Variants in CERS4 observed in about 807,000 individuals in gnomAD.
The protein encoded by CERS4 is LAG1 homolog, ceramide synthase 4.
Under a neutral mutation model 51.8 loss-of-function variants are expected in CERS4, and 65 were observed. That is an observed-to-expected ratio of 1.26 (90% CI 1.03 to 1.54). The LOEUF (loss-of-function observed/expected upper bound fraction) is 1.54, where lower values mean the gene tolerates loss of function less well. Among genes scored for constraint, CERS4 ranks in the 40% most tolerant of loss-of-function variants. The pLI is 0.00. For missense variants in CERS4, 563 were observed against 500.4 expected (o/e 1.13, Z -1.19); for synonymous variants, 228 against 208.4 (o/e 1.09, Z -0.81).
intron 3 of CERS4, among the ~76,000 whole-genome samples, chr19:8,252,099 A>G (rs558939523): frequency 1.3e-5 from 2 of 151,362 alleles, no homozygotes; most frequent in Non-Finnish European, 2.9e-5. Flanking sequence ...GGCTGGGTGC[A>G]GTGGCTCATG....
At chr19:8,242,071 C>G (rs950108793) in intron 2 of CERS4, among the ~76,000 whole-genome samples, 2 of 152,238 alleles carry the variant, frequency 1.3e-5, no homozygotes, top group Non-Finnish European at 2.9e-5. Context: ...CCTCAATGCC[C>G]CAGGTGCAAG....
In CERS4 at chr19:8,234,163, G is replaced by A. The variant is rs961061598; in HGVS notation, c.-1-16913G>A. Among the ~76,000 whole-genome samples the A allele has an allele frequency of 8.5e-5, 13 of 152,186 alleles. 2 individuals carry two copies. The highest frequency in any genetic ancestry group is 2.6e-4 in the African/African-American group (11 of 41,524). On this transcript the variant is annotated intron_variant, in intron 2 of 11. Transcript: ENST00000251363. ...CTACTAAAAATACAAAAAATTAGCC[G>A]GGCATGGTGGCAGGTGCCTGTAGTC...
In CERS4 at chr19:8,257,995, C is replaced by T; in HGVS notation, c.848+10C>T. ...TCCTCTTTCCCACCCAGTGAGTCAGCCCTCCCATGGGGGTCAGGGAGGTGG... is the reference window on the plus strand; with the variant it reads ...TCCTCTTTCCCACCCAGTGAGTCAGTCCTCCCATGGGGGTCAGGGAGGTGG... On this transcript the variant is annotated intron_variant, in intron 10 of 11. Coordinates refer to ENST00000251363, the MANE Select transcript of CERS4 (RefSeq NM_024552.3). 1.2e-6 allele frequency: 2 copies of T among 1,603,280 alleles called. No homozygotes were observed.
Position 8,255,484 on chromosome 19 carries a change from T to C in CERS4, c.292-123T>C. On this transcript the variant is annotated intron_variant, in intron 4 of 11. Transcript: ENST00000251363. ...CCAACACTGCCCCTCCATATAGACATGGTCACCCTGTAGGCAAGATGTGGG... is the reference window on the plus strand; with the variant it reads ...CCAACACTGCCCCTCCATATAGACACGGTCACCCTGTAGGCAAGATGTGGG... 6.0e-6 allele frequency: 5 copies of C among 839,214 alleles called. No individual in the cohort carries two copies. In the South Asian group the frequency reaches 8.3e-5, roughly 14 times the overall value. The allele number at this position is 839,214 out of a possible 1,614,324, so 52.0% of individuals were successfully genotyped here.
rs149877914 is a variant in CERS4 at position 8,251,208 on chromosome 19, C to T, written c.132C>T (p.Pro44=). 2.1e-4 allele frequency: 334 copies of T among 1,612,074 alleles called. No homozygotes were observed. Among genetic ancestry groups the T allele is most frequent in the Non-Finnish European group, 2.6e-4 (311 of 1,179,266 alleles). ...CCCAGGACTTGTTGGCAGCCCTGCC[C>T]CTGGCGCTGGTCCTCCTGGCCATGC... ...PHPQDLLAAL[P]LALVLLAMRL... Residue 44 remains proline (P), a synonymous_variant, in exon 3 of 12, where the codon CCC becomes CCT. Transcript: ENST00000251363.
chr19:8,223,046 G>A (rs1967628826), intron 2 of CERS4, among the ~76,000 whole-genome samples: 1 of 152,084 alleles, frequency 6.6e-6, no homozygotes, highest in African/African-American at 2.4e-5. Context: ...GAAGATAGTT[G>A]TCCCTGGCTG....
rs1209193787 is a variant in CERS4 at position 8,251,175 on chromosome 19, C to T, written c.99C>T (p.Tyr33=). The change falls in exon 3 of 12, where the codon TAC becomes TAT. Residue 33 remains tyrosine, a synonymous_variant. Transcript: ENST00000251363. ...TAGAAGACCGGGATGGCCGTGTCTA[C>T]CCCCACCCCCAGGACTTGTTGGCAG... The part of the protein sequence containing the change: ...TELEDRDGRV[Y]PHPQDLLAAL... The T allele has an allele frequency of 6.2e-7, 1 of 1,613,440 alleles. No individual in the cohort carries two copies. Among genetic ancestry groups the T allele is most frequent in the Non-Finnish European group, 8.5e-7 (1 of 1,179,824 alleles).
intron 2 of CERS4, among the ~76,000 whole-genome samples, chr19:8,215,439 A>C (rs1967257747): frequency 6.6e-6 from 1 of 151,310 alleles, no homozygotes; most frequent in African/African-American, 2.4e-5. Context: ...AGATCACACC[A>C]CTGCACTCCA....
intron 2 of CERS4, among the ~76,000 whole-genome samples, chr19:8,249,783 G>A (rs189430800): frequency 6.6e-6 from 1 of 151,628 alleles, no homozygotes; most frequent in Admixed American, 6.6e-5. Flanking sequence ...TAGAGACAGG[G>A]TTTCACCATG....
chr19:8,246,483 G>A (rs897948794), intron 2 of CERS4, among the ~76,000 whole-genome samples: 1 of 151,886 alleles, frequency 6.6e-6, no homozygotes, highest in African/African-American at 2.4e-5. Context: ...ACCCGAGCCC[G>A]GGAGGTCAAG....
At chr19:8,214,071 C>T (rs1026899312) in intron 2 of CERS4, among the ~76,000 whole-genome samples, 14 of 152,228 alleles carry the variant, frequency 9.2e-5, no homozygotes, top group Non-Finnish European at 4.4e-5. Flanking sequence ...GTCACACACA[C>T]ACACACTGAA....
intron 3 of CERS4, among the ~76,000 whole-genome samples, chr19:8,253,464 TTTTTTTTG>T (rs920978263): frequency 1.3e-5 from 2 of 148,742 alleles, no homozygotes; most frequent in Non-Finnish European, 3.0e-5. Flanking sequence ...TTTTTTTTTT[TTTTTTTTG>T]GGGAGACAGA....
chr19:8,249,872 G>C (rs1014485779), intron 2 of CERS4, among the ~76,000 whole-genome samples: 1 of 151,904 alleles, frequency 6.6e-6, no homozygotes, highest in Non-Finnish European at 1.5e-5. Context: ...TACAGGCAGT[G>C]AGCCACTGAG....
At chr19:8,261,426 A>C (rs940008869) in intron 10 of CERS4, 5 of 487,306 alleles carry the variant, frequency 1.0e-5, no homozygotes, top group African/African-American at 9.6e-5. Flanking sequence ...AAAGCAGCTG[A>C]GTTCATAAGT....
intron 2 of CERS4, chr19:8,239,292 A>G (rs6603157): frequency 0.8 from 121,430 of 151,038 alleles, 48,958 homozygotes; most frequent in Non-Finnish European, 0.84. Context: ...CTAGTTATTC[A>G]GGTGGGTGAG....
intron 2 of CERS4, among the ~76,000 whole-genome samples, chr19:8,224,423 A>T (rs574662598): frequency 0.013 from 2,009 of 151,104 alleles, 34 homozygotes; most frequent in African/African-American, 0.046. Flanking sequence ...AAAAAAAAAA[A>T]AATTGTTGCC....
chr19:8,253,001 C>T (rs1969166591), intron 3 of CERS4, among the ~76,000 whole-genome samples: 1 of 152,224 alleles, frequency 6.6e-6, no homozygotes, highest in Admixed American at 6.5e-5. Flanking sequence ...CAATGTATCA[C>T]ATGGACTTGG....
chr19:8,261,983 G>C lies in CERS4; in HGVS notation c.1059G>C (p.Ala353=), dbSNP rs138254504. The part of the protein sequence containing the change: ...DVEESDSSEE[A]AAAQEPLQLK... ...AAGAATCAGACTCCAGTGAGGAGGC[G>C]GCGGCGGCCCAGGAACCTCTGCAGC... The change falls in exon 12 of 12, where the codon GCG becomes GCC. Residue 353 remains alanine (A), a synonymous_variant. Transcript: ENST00000251363. 1 of 1,598,452 alleles carries C rather than the reference G, an allele frequency of 6.3e-7. No homozygotes were observed. The highest frequency in any genetic ancestry group is 1.3e-5 in the African/African-American group (1 of 74,300).
intron 10 of CERS4, among the ~76,000 whole-genome samples, chr19:8,260,083 T>C (rs1006103531): frequency 1.3e-5 from 2 of 151,992 alleles, no homozygotes; most frequent in Non-Finnish European, 2.9e-5. Flanking sequence ...GGAGGGCTGC[T>C]GGCAACCTGT....
Sources: allele counts gnomAD v4.1 joint callset (sites outside exome capture counted in the v4.1 genomes callset), GRCh38; gene constraint gnomAD v4.1.1; transcripts MANE v1.5; gene names NCBI Gene and HGNC (gene_info 2026-07-23, HGNC 2026-07-21).